The following SLC27A3 variants were observed in gnomAD, a reference collection of about 807,000 sequenced individuals.
SLC27A3 encodes long-chain fatty acid transport protein 3.
In SLC27A3, 60 loss-of-function variants were observed where a neutral mutation model predicts 60.1. The observed-to-expected ratio is 1.00, with a 90% confidence interval of 0.81 to 1.24. The LOEUF is 1.24. SLC27A3 is among the 50% of genes most tolerant of loss of function. The pLI, the probability that SLC27A3 is intolerant of heterozygous loss-of-function variation, is 0.00. For missense variants in SLC27A3, 1,079 were observed against 929.9 expected (o/e 1.16, Z -2.09); for synonymous variants, 455 against 409.0 (o/e 1.11, Z -1.36).
In SLC27A3 at chr1:153,777,108, C is replaced by T; in HGVS notation, c.924C>T (p.Cys308=). The T allele has an allele frequency of 6.2e-7, 1 of 1,614,258 alleles. No homozygotes were observed. The highest frequency in any genetic ancestry group is 8.5e-7 in the Non-Finnish European group (1 of 1,180,044). ...TCAGTCATCTGAAGATCCTGCAATG[C>T]CAGGGCTTCTATCAGCTGTGTGGTG... ...ARISHLKILQ[C]QGFYQLCGVH... is the part of the protein sequence containing the mutation. The change falls in exon 3 of 10, where the codon TGC becomes TGT. Residue 308 remains cysteine (C), a synonymous_variant. Transcript: ENST00000624995.
At chr1:153,777,637 T>C (rs905497040) in intron 3 of SLC27A3, 124 bp from the exon 4 acceptor site, 1 of 1,256,352 alleles carries the variant, frequency 8.0e-7, no homozygotes, top group African/African-American at 1.5e-5. Context: ...ACGGTGTGAC[T>C]CCCACAGTGG....
At chr1:153,779,273 G>C in intron 8 of SLC27A3, 62 bp downstream of exon 8, 1 of 1,613,994 alleles carries the variant, frequency 6.2e-7, no homozygotes, top group Non-Finnish European at 8.5e-7. Flanking sequence ...TAGTACTTGG[G>C]CGCAGGGAGC....
rs1244993644 is a variant in SLC27A3, at chr1:153,775,661, C to G, written c.164C>G (p.Ala55Gly). Reference sequence around the variant, plus strand: ...CGAGCTCGCGCCCTGGCCGCGGCTGCCGCCGACCCGGAAGGTCCCGAGGGG... The same window carrying G: ...CGAGCTCGCGCCCTGGCCGCGGCTGGCGCCGACCCGGAAGGTCCCGAGGGG... ...ALRARALAAAAADPEGPEGGC... is the reference protein window; with the variant it reads ...ALRARALAAAGADPEGPEGGC... The change falls in exon 1 of 10, where the codon GCC becomes GGC. Residue 55 changes from alanine to glycine, a missense_variant. Transcript: ENST00000624995. The G allele has an allele frequency of 6.5e-7, 1 of 1,529,642 alleles. No individual in the cohort carries two copies. The highest frequency in any genetic ancestry group is 2.3e-5 in the East Asian group (1 of 42,600). 94.8% of individuals were successfully genotyped at this position (1,529,642 alleles called of 1,614,324 possible). A position where few individuals can be genotyped will look rare whatever the true frequency, so the allele number is the denominator to read the frequency against.
At position 153,777,868 on chromosome 1, in the gene SLC27A3, C is replaced by T. The variant is rs775569610; in HGVS notation, c.1144C>T (p.Leu382Phe). Residue 382 changes from leucine to phenylalanine, a missense_variant, in exon 4 of 10, where the codon CTT (leucine) becomes TTT (phenylalanine). Physicochemically the swap from Leu to Phe is conservative, Grantham distance 22. Coordinates refer to ENST00000624995, the MANE Select transcript of SLC27A3 (RefSeq NM_024330.4). ...GTACATTGGGGAGCTGTGCCGATAC[C>T]TTGTCAACCAGCCCCCGGTGCGTGG... ...FQYIGELCRYLVNQPPSKAER... is the reference protein window; with the variant it reads ...FQYIGELCRYFVNQPPSKAER... 3 of 1,614,244 alleles carry T rather than the reference C, an allele frequency of 1.9e-6. No individual in the cohort carries two copies. The highest frequency in any genetic ancestry group is 2.5e-6 in the Non-Finnish European group (3 of 1,180,038).
Position 153,779,120 on chromosome 1 carries a change from G to C in SLC27A3, c.1653G>C (p.Lys551Asn). Residue 551 changes from lysine (K) to asparagine (N), a missense_variant, in exon 8 of 10, where the codon AAG (lysine) becomes AAC (asparagine). Lys to Asn is a moderately conservative substitution (Grantham distance 94). Transcript: ENST00000624995. Reference sequence around the variant, plus strand: ...GATCTCTGCTCTCTGACAGGTGGAAGGGGGAGAATGTGGCCACAACCGAGG... The same window carrying C: ...GATCTCTGCTCTCTGACAGGTGGAACGGGGAGAATGTGGCCACAACCGAGG... ...HDRTGDTFRWKGENVATTEVA... is the reference protein window; with the variant it reads ...HDRTGDTFRWNGENVATTEVA... 6.2e-7 allele frequency: 1 copy of C among 1,614,100 alleles called. No individual in the cohort carries two copies.
rs1163256635 is a variant in SLC27A3 at position 153,777,204 on chromosome 1, G to A, written c.1020G>A (p.Val340=). ...TGTCCGGTTCCCTGCTGGGCATCGT[G>A]GGCTGCATGGGCATTGGTCAGTCTC... The part of the protein sequence containing the change: ...YHMSGSLLGI[V]GCMGIGATVV... Residue 340 remains valine (V), a synonymous_variant, in exon 3 of 10, where the codon GTG becomes GTA. Transcript: ENST00000624995. 2 of 1,614,240 alleles carry A rather than the reference G, an allele frequency of 1.2e-6. No individual in the cohort carries two copies. The highest frequency in any genetic ancestry group is 1.7e-6 in the Non-Finnish European group (2 of 1,180,036).
At position 153,776,565 on chromosome 1, in the gene SLC27A3, G is replaced by A. The variant is rs1435497544; in HGVS notation, c.715G>A (p.Gly239Arg). ...EPDLPALRAMGLHLWAAGPGT... is the reference protein window; with the variant it reads ...EPDLPALRAMRLHLWAAGPGT... ...GGACCTGCCCGCCCTGAGAGCCATG[G>A]GGCTCCACCTGTGGGCTGCAGGCCC... Residue 239 changes from glycine to arginine, a missense_variant, in exon 2 of 10, where the codon GGG becomes AGG. Physicochemically the swap from Gly to Arg is moderately radical, Grantham distance 125. Transcript: ENST00000624995. The A allele has an allele frequency of 1.2e-6, 2 of 1,614,102 alleles. No homozygotes were observed. Among genetic ancestry groups the A allele is most frequent in the Admixed American group, 1.7e-5 (1 of 60,012 alleles).
Position 153,780,115 on chromosome 1 carries a change from TAATA to T in SLC27A3, c.*117_*120del, listed in dbSNP as rs1205224061. 3 of 937,364 alleles carry T rather than the reference TAATA, an allele frequency of 3.2e-6. No individual in the cohort carries two copies. In the African/African-American group the frequency reaches 5.0e-5, roughly 16 times the overall value. 58.1% of individuals were successfully genotyped at this position (937,364 alleles called of 1,614,324 possible). The stretch of plus-strand genomic sequence containing the variant: ...TACCAGAACTGCGGTCACTATTTTG[TAATA>T]AATGTGGCTGGAGCTGATCCAGCTG... On this transcript the variant is annotated 3_prime_UTR_variant, in exon 10 of 10. Transcript: ENST00000624995.
At position 153,779,808 on chromosome 1, in the gene SLC27A3, T is replaced by C; in HGVS notation, c.1876-18T>C. The stretch of plus-strand genomic sequence containing the variant: ...CAGAGTCCCCTTCCCTCCAAATCCC[T>C]GACCCTCCTGTCCCCAGGAGTCTTT... On this transcript the variant is annotated intron_variant, in intron 9 of 9. Transcript: ENST00000624995. 1 of 1,609,388 alleles carries C rather than the reference T, an allele frequency of 6.2e-7. No homozygotes were observed. Among genetic ancestry groups the C allele is most frequent in the Non-Finnish European group, 8.5e-7 (1 of 1,177,136 alleles).
chr1:153,779,690 C>G, intron 9 of SLC27A3, 136 bp from the exon 10 acceptor site: 1 of 945,360 alleles, frequency 1.1e-6, no homozygotes, highest in East Asian at 2.6e-5. Flanking sequence ...TTTCTCCTCC[C>G]TGTCACCTCC....
chr1:153,777,955 A>C, intron 4 of SLC27A3, 70 bp downstream of exon 4: 1 of 1,603,432 alleles, frequency 6.2e-7, no homozygotes, highest in Non-Finnish European at 8.5e-7. Context: ...GACAGTTGAC[A>C]GGAGACAGGG....
intron 9 of SLC27A3, 49 bp from the exon 10 acceptor site, chr1:153,779,777 C>T (rs1406609250): frequency 1.3e-6 from 2 of 1,569,108 alleles, no homozygotes; most frequent in Admixed American, 1.8e-5. Flanking sequence ...CCCTGAACCA[C>T]GTGGGCAGAG....
At chr1:153,778,392 A>G in intron 5 of SLC27A3, 37 bp downstream of exon 5, 1 of 1,613,888 alleles carries the variant, frequency 6.2e-7, no homozygotes, top group Non-Finnish European at 8.5e-7. Context: ...CCCGTGGAAC[A>G]GCAGAGGGCT....
intron 2 of SLC27A3, 73 bp from the exon 3 acceptor site, chr1:153,776,989 C>A: frequency 1.3e-6 from 2 of 1,520,890 alleles, no homozygotes; most frequent in South Asian, 1.2e-5. Flanking sequence ...GGAAACCCAG[C>A]GGGGGTGCAA....
rs1673449204 is a variant in SLC27A3, at chr1:153,779,901, C to G, written c.1951C>G (p.Leu651Val). ...MANEGFDPSTLSDPLYVLDQA... is the reference protein window; with the variant it reads ...MANEGFDPSTVSDPLYVLDQA... Reference sequence around the variant, plus strand: ...AAATGAGGGCTTCGACCCCAGCACCCTGTCTGACCCACTGTACGTTCTGGA... The same window carrying G: ...AAATGAGGGCTTCGACCCCAGCACCGTGTCTGACCCACTGTACGTTCTGGA... The change falls in exon 10 of 10, where the codon CTG (leucine) becomes GTG (valine). Residue 651 changes from leucine (L) to valine (V), a missense_variant. By Grantham distance (32) the Leu-to-Val change is conservative. Coordinates refer to ENST00000624995, the MANE Select transcript of SLC27A3 (RefSeq NM_024330.4). 1.2e-6 allele frequency: 2 copies of G among 1,614,160 alleles called. No homozygotes were observed. Among genetic ancestry groups the G allele is most frequent in the Non-Finnish European group, 1.7e-6 (2 of 1,180,024 alleles).
chr1:153,777,553 G>C (rs1673292327), intron 3 of SLC27A3: 1 of 659,168 alleles, frequency 1.5e-6, no homozygotes, highest in Admixed American at 2.8e-5. Context: ...GGGAAGTAGG[G>C]AAAGGGCATT....
At position 153,775,726 on chromosome 1, in the gene SLC27A3, CA is replaced by C; in HGVS notation, c.230del (p.Gln77ArgfsTer35). 1.3e-6 allele frequency: 2 copies of C among 1,520,090 alleles called. No individual in the cohort carries two copies. The highest frequency in any genetic ancestry group is 1.8e-6 in the Non-Finnish European group (2 of 1,138,850). 94.2% of individuals were successfully genotyped at this position (1,520,090 alleles called of 1,614,324 possible). A position where few individuals can be genotyped will look rare whatever the true frequency, so the allele number is the denominator to read the frequency against. On this transcript the variant is annotated frameshift_variant, in exon 1 of 10. Transcript: ENST00000624995. LOFTEE classifies it high-confidence loss of function. ...LAWRLAELAQ[Q>X]RAAHTFLIHG... ...CTGGCGCCTCGCGGAACTGGCCCAG[CA>C]GCGCGCCGCGCACACCTTTCTCATT... is the stretch of plus-strand genomic sequence containing the variant.
At position 153,778,198 on chromosome 1, in the gene SLC27A3, T is replaced by C. The variant is rs768766631; in HGVS notation, c.1199T>C (p.Val400Ala). ...AERGHKVRLAVGSGLRPDTWE... is the reference protein window; with the variant it reads ...AERGHKVRLAAGSGLRPDTWE... The stretch of plus-strand genomic sequence containing the variant: ...CGTGGCCATAAGGTCCGGCTGGCAG[T>C]GGGCAGCGGGCTGCGCCCAGATACC... Residue 400 changes from valine to alanine, a missense_variant, in exon 5 of 10, where the codon GTG becomes GCG. By Grantham distance (64) the Val-to-Ala change is moderately conservative. Transcript: ENST00000624995. 12 of 1,612,620 alleles carry C rather than the reference T, an allele frequency of 7.4e-6. No homozygotes were observed. Among genetic ancestry groups the C allele is most frequent in the Middle Eastern group, 1.7e-4 (1 of 6,056 alleles).
chr1:153,779,573 C>A, intron 9 of SLC27A3, 100 bp downstream of exon 9: 1 of 1,359,208 alleles, frequency 7.4e-7, no homozygotes, highest in Non-Finnish European at 1.0e-6. Context: ...TCCCAAACTC[C>A]ACAAAGGGAC....
Sources: allele counts gnomAD v4.1 joint callset, GRCh38; gene constraint gnomAD v4.1.1; transcripts MANE v1.5; gene names NCBI Gene and HGNC (gene_info 2026-07-23, HGNC 2026-07-21).